Variants in CEP128 observed in about 807,000 individuals in gnomAD.
The protein encoded by CEP128 is centrosomal protein 128kDa.
Under a neutral mutation model 156.7 loss-of-function variants are expected in CEP128, and 132 were observed. The observed-to-expected ratio is 0.84, with a 90% CI of 0.73 to 0.97. CEP128 has a LOEUF of 0.97. Ranked by LOEUF, CEP128 falls within the 50% of genes least tolerant of loss-of-function variation. CEP128 has a pLI of 0.00. For synonymous variants in CEP128, 469 were observed against 448.9 expected, an observed-to-expected ratio of 1.04 and a Z score of -0.57; for missense variants, 1,252 against 1,281.9, an observed-to-expected ratio of 0.98 and a Z score of 0.36.
chr14:80,705,112 C>G (rs1048428529), intron 19 of CEP128, among the ~76,000 whole-genome samples: 15 of 151,576 alleles, frequency 9.9e-5, no homozygotes, highest in African/African-American at 3.6e-4. Context: ...AAAAAAAATC[C>G]TTAACAGCAT....
intron 20 of CEP128, among the ~76,000 whole-genome samples, chr14:80,567,764 A>G (rs867435249): frequency 1.3e-5 from 2 of 152,138 alleles, no homozygotes; most frequent in Non-Finnish European, 2.9e-5. Context: ...GAACAACTAA[A>G]GATTATTTGC....
rs571824464 is a variant in CEP128 at position 80,508,507 on chromosome 14, T to C, written c.3073-3487A>G. 6.6e-5 allele frequency among the ~76,000 whole-genome samples: 10 copies of C among 152,306 alleles called. No homozygotes were observed. In the South Asian group the frequency reaches 1.0e-3, roughly 16 times the overall value. ...CATCATTATCATTATTAGGGTTATATAGTATTTTATTTTACTAATTTCCTA... is the reference window on the plus strand; with the variant it reads ...CATCATTATCATTATTAGGGTTATACAGTATTTTATTTTACTAATTTCCTA... On this transcript the variant is annotated intron_variant, in intron 23 of 24. Coordinates refer to ENST00000555265, the MANE Select transcript of CEP128 (RefSeq NM_152446.5).
chr14:80,911,775 G>A (rs1418162876), intron 4 of CEP128, among the ~76,000 whole-genome samples: 1 of 152,088 alleles, frequency 6.6e-6, no homozygotes, highest in Admixed American at 6.5e-5. Flanking sequence ...TATGATTAAA[G>A]GCAATGACAA....
At chr14:80,547,701 G>C (rs966858232) in intron 21 of CEP128, among the ~76,000 whole-genome samples, 8 of 152,064 alleles carry the variant, frequency 5.3e-5, no homozygotes, top group African/African-American at 1.4e-4. Context: ...ACTAGGGTAA[G>C]TTGTTTGATA....
At chr14:80,694,015 G>T (rs1051408545) in intron 19 of CEP128, among the ~76,000 whole-genome samples, 1 of 152,154 alleles carries the variant, frequency 6.6e-6, no homozygotes, top group Non-Finnish European at 1.5e-5. Context: ...AAGTGTTTTA[G>T]GTTCTTCCTG....
At position 80,497,402 on chromosome 14, in the gene CEP128, G is replaced by T. The variant is rs1438507488; in HGVS notation, c.*77C>A. ...TGCAGGTATGTCTGTTAGATAATCT[G>T]GGCCAAATTGCTGTAAGAATAGAGA... On this transcript the variant is annotated 3_prime_UTR_variant, in exon 25 of 25. Coordinates refer to ENST00000555265, the MANE Select transcript of CEP128 (RefSeq NM_152446.5). 8.5e-5 allele frequency: 83 copies of T among 974,628 alleles called. No individual in the cohort carries two copies. Among genetic ancestry groups the T allele is most frequent in the Non-Finnish European group, 1.2e-4 (79 of 634,064 alleles). The allele number at this position is 974,628 out of a possible 1,614,324, so 60.4% of individuals were successfully genotyped here. A position where few individuals can be genotyped will look rare whatever the true frequency, so the allele number is the denominator to read the frequency against.
chr14:80,874,506 G>A (rs749965207), intron 8 of CEP128, among the ~76,000 whole-genome samples: 53 of 151,824 alleles, frequency 3.5e-4, no homozygotes, highest in Admixed American at 5.2e-4. Context: ...AGCAAACATA[G>A]TAATGACATC....
At chr14:80,700,208 C>G (rs1213093429) in intron 19 of CEP128, among the ~76,000 whole-genome samples, 1 of 152,084 alleles carries the variant, frequency 6.6e-6, no homozygotes, top group Non-Finnish European at 1.5e-5. Context: ...TCTTTGGGAC[C>G]ACTGCCAAAA....
At chr14:80,821,444 CT>C (rs1222993526) in intron 13 of CEP128, among the ~76,000 whole-genome samples, 1 of 152,062 alleles carries the variant, frequency 6.6e-6, no homozygotes, top group Non-Finnish European at 1.5e-5. Context: ...TAGTGCCACC[CT>C]TTTTTCCATA....
intron 5 of CEP128, 200 bp downstream of exon 5, chr14:80,905,755 G>GAAAA: frequency 2.6e-5 from 10 of 392,056 alleles, no homozygotes; most frequent in South Asian, 6.3e-5. Flanking sequence ...CAGAGTTTGA[G>GAAAA]AAAAAAAAAA....
chr14:80,539,257 G>C (rs893539701), intron 21 of CEP128, among the ~76,000 whole-genome samples: 1 of 152,170 alleles, frequency 6.6e-6, no homozygotes, highest in Non-Finnish European at 1.5e-5. Flanking sequence ...GTGAGTGATA[G>C]GGTTTCTATT....
At chr14:80,798,023 A>G (rs981982839) in intron 13 of CEP128, among the ~76,000 whole-genome samples, 5 of 152,178 alleles carry the variant, frequency 3.3e-5, no homozygotes, top group Non-Finnish European at 7.4e-5. Flanking sequence ...TAAATTTCAT[A>G]TCACTTAATT....
intron 12 of CEP128, among the ~76,000 whole-genome samples, chr14:80,833,284 A>T (rs1885904704): frequency 6.6e-6 from 1 of 151,694 alleles, no homozygotes; most frequent in Non-Finnish European, 1.5e-5. Context: ...ATATTATATA[A>T]AATATGAAGG....
At position 80,914,324 on chromosome 14, in the gene CEP128, G is replaced by A. The variant is rs1327501324; in HGVS notation, c.232C>T (p.His78Tyr). Reference protein sequence around the residue: ...YSNGQAGAIEHLKESLEQSID... With the variant: ...YSNGQAGAIEYLKESLEQSID... ...TGCAAACAAATGTAGTTTCTCACAT[G>A]TTCTATCGCACCCGCCTGTCCATTA... Residue 78 changes from histidine (H) to tyrosine (Y), a missense_variant and splice_region_variant, in exon 4 of 25, where the codon CAT becomes TAT. By Grantham distance (83) the His-to-Tyr change is moderately conservative (BLOSUM62 2). Coordinates refer to ENST00000555265, the MANE Select transcript of CEP128 (RefSeq NM_152446.5). 6.2e-7 allele frequency: 1 copy of A among 1,609,094 alleles called. No homozygotes were observed. Among genetic ancestry groups the A allele is most frequent in the Admixed American group, 1.7e-5 (1 of 59,740 alleles).
intron 20 of CEP128, among the ~76,000 whole-genome samples, chr14:80,575,071 T>C (rs1891300768): frequency 6.7e-6 from 1 of 149,752 alleles, no homozygotes; most frequent in South Asian, 2.1e-4. Flanking sequence ...ATTGTACATA[T>C]TTTTATATAT....
chr14:80,588,160 G>A (rs1891898322), intron 19 of CEP128, among the ~76,000 whole-genome samples: 1 of 152,062 alleles, frequency 6.6e-6, no homozygotes, highest in African/African-American at 2.4e-5. Flanking sequence ...GAAATTTTTA[G>A]TGAATTTTTT....
chr14:80,695,981 A>G (rs1031033434), intron 19 of CEP128, among the ~76,000 whole-genome samples: 12 of 152,314 alleles, frequency 7.9e-5, no homozygotes, highest in Admixed American at 7.2e-4. Flanking sequence ...CATAGAGAAC[A>G]GACTGGGTGA....
intron 4 of CEP128, among the ~76,000 whole-genome samples, chr14:80,910,613 T>C (rs530914978): frequency 6.6e-5 from 10 of 152,300 alleles, no homozygotes; most frequent in Non-Finnish European, 1.2e-4. Flanking sequence ...ATACAGCCTG[T>C]GGAACGGTGA....
chr14:80,825,948 A>C (rs1171245083), intron 13 of CEP128, among the ~76,000 whole-genome samples: 1 of 151,940 alleles, frequency 6.6e-6, no homozygotes, highest in Non-Finnish European at 1.5e-5. Flanking sequence ...TCTACTAAAA[A>C]TACAAAAATT....
Sources: allele counts gnomAD v4.1 joint callset (sites outside exome capture counted in the v4.1 genomes callset), GRCh38; gene constraint gnomAD v4.1.1; transcripts MANE v1.5; gene names NCBI Gene and HGNC (gene_info 2026-07-23, HGNC 2026-07-21).